Variants in ACTR3C observed in about 807,000 individuals in gnomAD.
ACTR3C encodes actin related protein 3C.
ACTR3C carries 18 observed loss-of-function variants against 26.3 expected under a neutral mutation model. The ratio of observed to expected loss-of-function variants is 0.68; its 90% CI spans 0.47 to 1.01. The LOEUF is 1.01. Among genes scored for constraint, ACTR3C ranks in the 50% least tolerant of loss-of-function variants. The probability of loss-of-function intolerance (pLI) is 0.00; values close to 1 mark genes in which losing one functional copy is unlikely to be tolerated. For synonymous variants in ACTR3C, 55 were observed against 94.5 expected (o/e 0.58, Z 2.42); for missense variants, 184 against 250.7 (o/e 0.73, Z 1.80).
chr7:150,075,254 AAC>A, the ACTR3C span, among the ~76,000 whole-genome samples: 3 of 116,524 alleles, frequency 2.6e-5, no homozygotes, highest in Non-Finnish European at 5.3e-5. Flanking sequence ...AAGCTACATA[AAC>A]ACAGTCTACA....
chr7:150,255,394 T>G (rs1833146897), intron 6 of ACTR3C, among the ~76,000 whole-genome samples: 2 of 152,104 alleles, frequency 1.3e-5, no homozygotes, highest in African/African-American at 4.8e-5. Context: ...TGAACGCTAG[T>G]AGGCTCCCAT....
the ACTR3C span, among the ~76,000 whole-genome samples, chr7:150,154,871 G>A: frequency 6.6e-6 from 1 of 152,108 alleles, no homozygotes; most frequent in South Asian, 2.1e-4. Context: ...CCTGGGTGAG[G>A]AATTGGTACA....
the ACTR3C span, among the ~76,000 whole-genome samples, chr7:149,957,611 T>G: frequency 2.2e-4 from 33 of 152,346 alleles, 2 homozygotes; most frequent in South Asian, 6.8e-3. Context: ...GGCCTTGGAC[T>G]GAAAGTTACA....
chr7:149,933,092 G>A, the ACTR3C span, among the ~76,000 whole-genome samples: 1 of 39,808 alleles, frequency 2.5e-5, no homozygotes, highest in African/African-American at 5.3e-5. Flanking sequence ...TGTAGTGAGA[G>A]GGGCCAAGCA....
At chr7:149,979,245 G>A in the ACTR3C span, among the ~76,000 whole-genome samples, 1 of 152,228 alleles carries the variant, frequency 6.6e-6, no homozygotes, top group East Asian at 1.9e-4. Context: ...CGAGCTGGCA[G>A]GTTCCCAGTT....
At chr7:150,241,076 T>C (rs59005991), downstream of ACTR3C, among the ~76,000 whole-genome samples, 12,534 of 151,234 alleles carry the variant, frequency 0.083, 1,045 homozygotes, top group African/African-American at 0.22. Flanking sequence ...AGAGATACAG[T>C]TTATGAATCA....
the ACTR3C span, among the ~76,000 whole-genome samples, chr7:149,968,756 A>G: frequency 6.6e-6 from 1 of 152,028 alleles, no homozygotes; most frequent in South Asian, 2.1e-4. Flanking sequence ...GTGACTGATC[A>G]CTCTGCAGCT....
the ACTR3C span, among the ~76,000 whole-genome samples, chr7:149,949,188 G>A: frequency 2.1e-5 from 3 of 142,472 alleles, 1 homozygote; most frequent in African/African-American, 6.0e-5. Context: ...GTTTGTGTGT[G>A]TATATACATA....
chr7:150,055,883 TA>T, the ACTR3C span, among the ~76,000 whole-genome samples: 4 of 152,070 alleles, frequency 2.6e-5, no homozygotes, highest in African/African-American at 4.8e-5. Flanking sequence ...TTTAATGCAA[TA>T]AAAAAATCCT....
the ACTR3C span, among the ~76,000 whole-genome samples, chr7:149,957,186 G>C: frequency 6.6e-6 from 1 of 152,054 alleles, no homozygotes; most frequent in Non-Finnish European, 1.5e-5. Context: ...GTAGTCAAGA[G>C]ATCAAATGCA....
chr7:149,928,206 T>TC, the ACTR3C span, among the ~76,000 whole-genome samples: 3 of 149,936 alleles, frequency 2.0e-5, no homozygotes, highest in African/African-American at 4.9e-5. Flanking sequence ...TCTTTTCTTT[T>TC]TTTTTTTTTT....
At chr7:149,899,183 A>G in the ACTR3C span, among the ~76,000 whole-genome samples, 2 of 152,042 alleles carry the variant, frequency 1.3e-5, no homozygotes, top group Admixed American at 1.3e-4. Context: ...CAAAGTATCT[A>G]GGTTTCCACT....
At chr7:150,169,402 AAAAG>A in the ACTR3C span, among the ~76,000 whole-genome samples, 1,895 of 149,050 alleles carry the variant, frequency 0.013, 142 homozygotes, top group African/African-American at 0.046. Flanking sequence ...AAAAAAAAAA[AAAAG>A]AAGAAGAAGA....
chr7:149,888,433 G>T, the ACTR3C span, among the ~76,000 whole-genome samples: 1 of 152,360 alleles, frequency 6.6e-6, no homozygotes, highest in Non-Finnish European at 1.5e-5. Flanking sequence ...CTGGATGGTA[G>T]TTGGTTTTAA....
At chr7:150,277,179 T>G (rs3864520) in intron 6 of ACTR3C, among the ~76,000 whole-genome samples, 1 of 152,164 alleles carries the variant, frequency 6.6e-6, no homozygotes, top group Admixed American at 6.5e-5. Context: ...ATTCCTTACA[T>G]TTTATAGATA....
the ACTR3C span, among the ~76,000 whole-genome samples, chr7:150,141,958 C>T: frequency 1.1e-3 from 168 of 152,116 alleles, 2 homozygotes; most frequent in African/African-American, 3.6e-3. Flanking sequence ...CTTTCAGGGA[C>T]TGGAGCCAAG....
At chr7:150,311,490 C>T (rs1796315909) in intron 1 of ACTR3C, among the ~76,000 whole-genome samples, 1 of 152,218 alleles carries the variant, frequency 6.6e-6, no homozygotes, top group Non-Finnish European at 1.5e-5. Context: ...TTCACACTTA[C>T]TGTCTGCCCC....
chr7:150,161,202 T>TTATATATATATATATATATATATATATA, the ACTR3C span, among the ~76,000 whole-genome samples: 219 of 102,708 alleles, frequency 2.1e-3, 2 homozygotes, highest in Middle Eastern at 4.2e-3. Context: ...AGGAAAGTAT[T>TTATATATATATATATATATATATATATA]TATATATATA....
chr7:150,105,409 G>A, the ACTR3C span, among the ~76,000 whole-genome samples: 1 of 151,718 alleles, frequency 6.6e-6, no homozygotes. Flanking sequence ...AGGAACTCAC[G>A]GGATAAACTG....
Sources: gnomAD v4.1 joint callset for allele counts (sites outside exome capture counted in the v4.1 genomes callset) on GRCh38, gnomAD v4.1.1 for gene constraint, MANE v1.5 for transcripts, NCBI Gene and HGNC (gene_info 2026-07-23, HGNC 2026-07-21) for gene names.